LRP1B: variants seen among roughly 807,000 people sequenced by gnomAD.
The protein encoded by LRP1B is LDL receptor related protein 1B, also known as low-density lipoprotein receptor-related protein 1B.
In LRP1B, 217 loss-of-function variants were observed where a neutral mutation model predicts 556.6. The ratio of observed to expected loss-of-function variants is 0.39; its 90% CI spans 0.35 to 0.44. LRP1B has a LOEUF of 0.44. Among genes scored for constraint, LRP1B ranks in the 20% least tolerant of loss-of-function variants. The pLI, the probability that LRP1B is intolerant of heterozygous loss-of-function variation, is 1.00. For synonymous variants in LRP1B, 2,047 were observed against 1,865.8 expected, an observed-to-expected ratio of 1.10 and a Z score of -2.50; for missense variants, 5,053 against 5,620.8, an observed-to-expected ratio of 0.90 and a Z score of 3.23.
chr2:141,580,642 AG>A (rs1188428259), intron 2 of LRP1B, among the ~76,000 whole-genome samples: 1 of 152,238 alleles, frequency 6.6e-6, no homozygotes, highest in Admixed American at 6.5e-5. Context: ...AGAAATATGA[AG>A]AGCAGTAGGC....
intron 2 of LRP1B, among the ~76,000 whole-genome samples, chr2:141,779,496 T>G (rs1695177868): frequency 6.6e-6 from 1 of 150,520 alleles, no homozygotes. Context: ...CTCAGCTCAC[T>G]GCAACCTCTG....
intron 2 of LRP1B, among the ~76,000 whole-genome samples, chr2:141,627,039 G>A (rs763761834): frequency 4.6e-5 from 7 of 152,108 alleles, no homozygotes; most frequent in Non-Finnish European, 8.8e-5. Context: ...AAATATAGAA[G>A]CAATCAAGAT....
At chr2:141,516,508 T>C (rs1250505216) in intron 2 of LRP1B, among the ~76,000 whole-genome samples, 3 of 152,068 alleles carry the variant, frequency 2.0e-5, no homozygotes, top group African/African-American at 7.2e-5. Context: ...TTTATTCTAA[T>C]AAAAATGGAA....
At chr2:142,067,293 C>A (rs1036012320) in intron 1 of LRP1B, among the ~76,000 whole-genome samples, 4 of 151,142 alleles carry the variant, frequency 2.6e-5, no homozygotes, top group African/African-American at 9.7e-5. Flanking sequence ...ACCCTAGGAC[C>A]CAGATATCTT....
intron 3 of LRP1B, among the ~76,000 whole-genome samples, chr2:141,280,451 C>T (rs544837305): frequency 1.4e-4 from 22 of 152,008 alleles, no homozygotes; most frequent in Non-Finnish European, 2.8e-4. Context: ...TAAAAAATTA[C>T]AAGAAACAAC....
chr2:141,361,683 C>T (rs982056772), intron 3 of LRP1B, among the ~76,000 whole-genome samples: 1 of 152,090 alleles, frequency 6.6e-6, no homozygotes, highest in Non-Finnish European at 1.5e-5. Flanking sequence ...GGGAGTCTTT[C>T]CTCTTTCAAG....
chr2:141,994,974 G>A (rs997569271), intron 1 of LRP1B, among the ~76,000 whole-genome samples: 6 of 152,100 alleles, frequency 3.9e-5, no homozygotes, highest in African/African-American at 1.4e-4. Context: ...GCAACCCCTT[G>A]TGTCAGAGTC....
intron 2 of LRP1B, among the ~76,000 whole-genome samples, chr2:141,497,456 C>T (rs554539913): frequency 1.3e-5 from 2 of 152,106 alleles, no homozygotes; most frequent in South Asian, 2.1e-4. Flanking sequence ...AGCAACTTGG[C>T]GTCCTAGTTT....
At chr2:141,254,483 C>T (rs750981246) in intron 4 of LRP1B, 39 bp downstream of exon 4, 4 of 1,606,604 alleles carry the variant, frequency 2.5e-6, no homozygotes, top group Non-Finnish European at 2.6e-6. Context: ...AACTAAGCCT[C>T]TATAAACAAA....
chr2:141,412,749 C>G (rs1247315383), intron 3 of LRP1B, among the ~76,000 whole-genome samples: 1 of 151,848 alleles, frequency 6.6e-6, no homozygotes, highest in East Asian at 1.9e-4. Flanking sequence ...AAGAGAGTAA[C>G]CAAAGAGAAA....
At position 140,419,370 on chromosome 2, in the gene LRP1B, C is replaced by A. The variant is rs187297506; in HGVS notation, c.10414+23134G>T. On this transcript the variant is annotated intron_variant, in intron 66 of 90. Coordinates refer to ENST00000389484, the MANE Select transcript of LRP1B (RefSeq NM_018557.3). ...TTATAGTCAGATATTTCAGTAATAA[C>A]CTCATAATAAGTGTTAGAATAAGTA... is the stretch of plus-strand genomic sequence containing the variant. Among the ~76,000 whole-genome samples the A allele has an allele frequency of 4.2e-3, 634 of 152,204 alleles. 3 individuals carry two copies. Among genetic ancestry groups the A allele is most frequent in the Middle Eastern group, 6.9e-3 (2 of 290 alleles).
intron 43 of LRP1B, among the ~76,000 whole-genome samples, chr2:140,542,506 A>C (rs1029572428): frequency 3.3e-4 from 51 of 152,256 alleles, no homozygotes; most frequent in African/African-American, 1.2e-3. Context: ...GATGGAGTAA[A>C]AGGGACTAGA....
intron 1 of LRP1B, among the ~76,000 whole-genome samples, chr2:141,912,051 A>G (rs1699919781): frequency 6.6e-6 from 1 of 152,208 alleles, no homozygotes; most frequent in African/African-American, 2.4e-5. Flanking sequence ...GGACCGCCAT[A>G]TATTTTGGGA....
intron 2 of LRP1B, among the ~76,000 whole-genome samples, chr2:141,647,235 G>T (rs948892625): frequency 1.3e-5 from 2 of 152,154 alleles, no homozygotes; most frequent in Non-Finnish European, 2.9e-5. Context: ...CCATAAAATG[G>T]CATTCTAGTC....
chr2:140,438,679 G>C (rs1283790531), intron 66 of LRP1B, among the ~76,000 whole-genome samples: 1 of 152,192 alleles, frequency 6.6e-6, no homozygotes, highest in Non-Finnish European at 1.5e-5. Flanking sequence ...TAGTTAGTGT[G>C]ATTATAGCTA....
At chr2:140,415,461 G>T (rs925793045) in intron 66 of LRP1B, among the ~76,000 whole-genome samples, 1 of 152,096 alleles carries the variant, frequency 6.6e-6, no homozygotes, top group African/African-American at 2.4e-5. Flanking sequence ...GCTCAGGTGG[G>T]TATCATGGTC....
chr2:141,354,206 C>G (rs1688543304), intron 3 of LRP1B, among the ~76,000 whole-genome samples: 1 of 151,852 alleles, frequency 6.6e-6, no homozygotes, highest in Non-Finnish European at 1.5e-5. Context: ...ACCCATAAAA[C>G]TAAAAGTTAA....
intron 1 of LRP1B, among the ~76,000 whole-genome samples, chr2:141,855,837 G>C (rs571689619): frequency 6.6e-6 from 1 of 152,164 alleles, no homozygotes; most frequent in Non-Finnish European, 1.5e-5. Context: ...TTTCATACTT[G>C]TTGAATTAAT....
rs1395128182 is a variant in LRP1B, at chr2:140,994,110, G to A, written c.2529C>T (p.His843=). Residue 843 remains histidine (H), a synonymous_variant, in exon 16 of 91, where the codon CAC becomes CAT. Transcript: ENST00000389484. Reference sequence around the variant, plus strand: ...AGCGAAACTCTCCAGCTTTACATATGTGAGGTAGTGCTTCTCCAGGATTAA... The same window carrying A: ...AGCGAAACTCTCCAGCTTTACATATATGAGGTAGTGCTTCTCCAGGATTAA... The part of the protein sequence containing the change: ...CTFNPGEALP[H]ICKAGEFRCK... The A allele has an allele frequency of 6.8e-6, 11 of 1,612,444 alleles. No individual in the cohort carries two copies. The highest frequency in any genetic ancestry group is 2.2e-5 in the South Asian group (2 of 91,018).
Sources: gnomAD v4.1 joint callset for allele counts (sites outside exome capture counted in the v4.1 genomes callset) on GRCh38, gnomAD v4.1.1 for gene constraint, MANE v1.5 for transcripts, NCBI Gene and HGNC (gene_info 2026-07-23, HGNC 2026-07-21) for gene names.